Variants in SPHKAP observed in about 807,000 individuals in gnomAD.
SPHKAP encodes SPHK1 interactor, AKAP domain containing, also known as A-kinase anchor protein SPHKAP.
A neutral mutation model predicts 137.5 loss-of-function variants in SPHKAP; 67 were observed. The observed-to-expected ratio is 0.49, with a 90% CI of 0.40 to 0.60. SPHKAP has a LOEUF of 0.60. Ranked by LOEUF, SPHKAP falls within the 20% of genes least tolerant of loss-of-function variation. SPHKAP has a pLI of 0.00. For missense variants in SPHKAP, 2,097 were observed against 2,069.3 expected (o/e 1.01, Z -0.26); for synonymous variants, 813 against 785.3 (o/e 1.04, Z -0.59).
chr2:228,029,544 A>G (rs1196465364), intron 3 of SPHKAP, among the ~76,000 whole-genome samples: 2 of 152,194 alleles, frequency 1.3e-5, no homozygotes, highest in Non-Finnish European at 2.9e-5. Flanking sequence ...ATTAGGGGGA[A>G]GAAAGGGCAT....
intron 1 of SPHKAP, among the ~76,000 whole-genome samples, chr2:228,180,256 C>A (rs930612649): frequency 6.6e-6 from 1 of 152,060 alleles, no homozygotes; most frequent in Non-Finnish European, 1.5e-5. Flanking sequence ...AGCGAAGGGA[C>A]GCTTAAGGAG....
chr2:228,037,024 A>C (rs1574784319), intron 3 of SPHKAP, among the ~76,000 whole-genome samples: 1 of 152,100 alleles, frequency 6.6e-6, no homozygotes, highest in Non-Finnish European at 1.5e-5. Context: ...CCTAAAACTT[A>C]AAGTATAATA....
intron 5 of SPHKAP, 42 bp from the exon 6 acceptor site, chr2:228,022,008 A>C (rs1694860768): frequency 6.5e-7 from 1 of 1,530,558 alleles, no homozygotes. Context: ...CAAAAGGGAA[A>C]ATAAAAGACT....
At chr2:228,149,953 AG>A (rs1433804635) in intron 1 of SPHKAP, among the ~76,000 whole-genome samples, 1 of 152,172 alleles carries the variant, frequency 6.6e-6, no homozygotes, top group African/African-American at 2.4e-5. Context: ...TGCTTTGGCT[AG>A]GACCTTCAGG....
At chr2:228,148,825 G>T (rs1345302509) in intron 1 of SPHKAP, among the ~76,000 whole-genome samples, 1 of 152,178 alleles carries the variant, frequency 6.6e-6, no homozygotes, top group Non-Finnish European at 1.5e-5. Context: ...GGGAAAAAAA[G>T]AAACACAAGT....
chr2:228,001,911 A>G (rs552727005), intron 7 of SPHKAP, among the ~76,000 whole-genome samples: 5 of 152,126 alleles, frequency 3.3e-5, no homozygotes, highest in East Asian at 1.9e-4. Flanking sequence ...TTCATTTTTT[A>G]TGGCTGCATA....
chr2:228,005,375 C>T (rs866446849), intron 7 of SPHKAP, among the ~76,000 whole-genome samples: 1 of 152,100 alleles, frequency 6.6e-6, no homozygotes, highest in Non-Finnish European at 1.5e-5. Context: ...GATTGTAACC[C>T]CTGCCTTTTT....
In SPHKAP at chr2:227,995,641, C is replaced by T; in HGVS notation, c.4502G>A (p.Arg1501Lys). 6.2e-7 allele frequency: 1 copy of T among 1,613,426 alleles called. No homozygotes were observed. Among genetic ancestry groups the T allele is most frequent in the Non-Finnish European group, 8.5e-7 (1 of 1,179,852 alleles). Residue 1501 changes from arginine (R) to lysine (K), a missense_variant, in exon 8 of 12, where the codon AGA (arginine) becomes AAA (lysine). Physicochemically the swap from Arg to Lys is conservative, Grantham distance 26. Transcript: ENST00000392056. ...VPEAEASTEA[R>K]APDEAPNPPS... ...AGGGTTGGGGGCCTCATCGGGGGCT[C>T]TGGCTTCTGTGGAGGCTTCAGCCTC...
rs376143594 is a variant in SPHKAP, at chr2:228,112,010, A to G, written c.139-3071T>C. Among the ~76,000 whole-genome samples, 77 of 152,278 alleles carry G rather than the reference A, an allele frequency of 5.1e-4. No individual in the cohort carries two copies. The East Asian group carries it at 7.1e-3, about 14-fold the overall frequency. On this transcript the variant is annotated intron_variant, in intron 2 of 11. Coordinates refer to ENST00000392056, the MANE Select transcript of SPHKAP (RefSeq NM_001142644.2). ...AAAGAGAGGAAACTTTTTGTGATGTAAATTATATAATGTAATTAATCTACT... is the reference window on the plus strand; with the variant it reads ...AAAGAGAGGAAACTTTTTGTGATGTGAATTATATAATGTAATTAATCTACT...
intron 3 of SPHKAP, among the ~76,000 whole-genome samples, chr2:228,068,290 C>T (rs890165771): frequency 1.3e-5 from 2 of 152,072 alleles, no homozygotes; most frequent in Non-Finnish European, 2.9e-5. Context: ...ACTGTTAAAA[C>T]GTCCATACTA....
Position 228,016,667 on chromosome 2 carries a change from T to C in SPHKAP, c.4187A>G (p.His1396Arg). The change falls in exon 7 of 12, where the codon CAC (histidine) becomes CGC (arginine). Residue 1396 changes from histidine to arginine, a missense_variant. By Grantham distance (29) the His-to-Arg change is conservative (BLOSUM62 0). Transcript: ENST00000392056. ...TTCTTTTTTAGAATCTAAAGGGCTGTGGTTTGTAAGAGAAGCAGTTTTGCT... is the reference window on the plus strand; with the variant it reads ...TTCTTTTTTAGAATCTAAAGGGCTGCGGTTTGTAAGAGAAGCAGTTTTGCT... ...SLSKTASLTN[H>R]SPLDSKKETS... is the part of the protein sequence containing the mutation. 1 of 1,614,082 alleles carries C rather than the reference T, an allele frequency of 6.2e-7. No individual in the cohort carries two copies. Among genetic ancestry groups the C allele is most frequent in the Non-Finnish European group, 8.5e-7 (1 of 1,180,030 alleles).
At chr2:228,078,143 G>A (rs1346192674) in intron 3 of SPHKAP, among the ~76,000 whole-genome samples, 1 of 152,146 alleles carries the variant, frequency 6.6e-6, no homozygotes, top group Non-Finnish European at 1.5e-5. Context: ...AAATTACCCA[G>A]TCTCAGGTAT....
In SPHKAP at chr2:228,132,233, A is replaced by G. The variant is rs554031274; in HGVS notation, c.33-148T>C. Reference sequence around the variant, plus strand: ...TGCAAATCCCCCTGCTGAAATGGACATTTCTTTGTTGCATACACTTTTGTA... The same window carrying G: ...TGCAAATCCCCCTGCTGAAATGGACGTTTCTTTGTTGCATACACTTTTGTA... On this transcript the variant is annotated intron_variant, in intron 1 of 11. Coordinates refer to ENST00000392056, the MANE Select transcript of SPHKAP (RefSeq NM_001142644.2). 8.3e-6 allele frequency: 6 copies of G among 723,352 alleles called. No homozygotes were observed. The East Asian group carries it at 1.4e-4, about 16-fold the overall frequency. 44.8% of individuals were successfully genotyped at this position (723,352 alleles called of 1,614,324 possible).
intron 3 of SPHKAP, among the ~76,000 whole-genome samples, chr2:228,041,566 C>T (rs1695845099): frequency 6.6e-6 from 1 of 150,460 alleles, no homozygotes; most frequent in African/African-American, 2.4e-5. Flanking sequence ...ATCGCTTGAA[C>T]CCAGGAGGCG....
intron 1 of SPHKAP, chr2:228,169,674 C>G (rs533189695): frequency 6.6e-6 from 1 of 152,124 alleles, no homozygotes; most frequent in South Asian, 2.1e-4. Flanking sequence ...TACATAACAT[C>G]CATTCTGTAG....
intron 7 of SPHKAP, among the ~76,000 whole-genome samples, chr2:228,003,684 A>T (rs1295374594): frequency 2.6e-5 from 4 of 152,198 alleles, no homozygotes; most frequent in Non-Finnish European, 5.9e-5. Context: ...ATTCAGTATG[A>T]TATTGGCTGT....
chr2:228,171,083 T>C (rs1300272000), intron 1 of SPHKAP, among the ~76,000 whole-genome samples: 1 of 152,092 alleles, frequency 6.6e-6, no homozygotes. Context: ...GTATAGACAT[T>C]ATTTTTTCTT....
rs1295737575 is a variant in SPHKAP at position 228,180,851 on chromosome 2, CAGG to C, written c.32+713_32+715del. On this transcript the variant is annotated intron_variant, in intron 1 of 11. Transcript: ENST00000392056. ...GTGTGGAACAGGGGCAAAAAAGAGA[CAGG>C]AGAAAGAAACACACCCCGAAAAACA... Among the ~76,000 whole-genome samples, 3 of 152,180 alleles carry C rather than the reference CAGG, an allele frequency of 2.0e-5. No individual in the cohort carries two copies. In the East Asian group the frequency reaches 5.8e-4, roughly 29 times the overall value.
chr2:228,058,178 C>G (rs1048135378), intron 3 of SPHKAP, among the ~76,000 whole-genome samples: 16 of 152,192 alleles, frequency 1.1e-4, no homozygotes, highest in African/African-American at 3.4e-4. Context: ...ACCACTCCAG[C>G]TACCCCATTC....
Sources: allele counts gnomAD v4.1 joint callset (sites outside exome capture counted in the v4.1 genomes callset), GRCh38; gene constraint gnomAD v4.1.1; transcripts MANE v1.5; gene names NCBI Gene and HGNC (gene_info 2026-07-23, HGNC 2026-07-21).